Variants in PLCB4 observed in about 807,000 individuals in gnomAD.
The protein encoded by PLCB4 is phospholipase C beta 4.
PLCB4 carries 77 observed loss-of-function variants against 178.8 expected under a neutral mutation model. The observed-to-expected ratio is 0.43, with a 90% CI of 0.36 to 0.52. The LOEUF is 0.52. PLCB4 is among the 20% of genes least tolerant of loss of function. The pLI, the probability that PLCB4 is intolerant of heterozygous loss-of-function variation, is 0.00. For synonymous variants in PLCB4, 496 were observed against 490.8 expected (o/e 1.01, Z -0.14); for missense variants, 1,024 against 1,453.4 (o/e 0.70, Z 4.80).
intron 1 of PLCB4, among the ~76,000 whole-genome samples, chr20:9,090,332 A>G (rs1273445496): frequency 6.6e-6 from 1 of 151,884 alleles, no homozygotes; most frequent in Non-Finnish European, 1.5e-5. Context: ...GAATCGAGCT[A>G]TTATTTGGGA....
chr20:9,445,049 T>C (rs2042331186), intron 32 of PLCB4, among the ~76,000 whole-genome samples: 1 of 152,166 alleles, frequency 6.6e-6, no homozygotes, highest in Admixed American at 6.5e-5. Context: ...ATTTTGACAG[T>C]GATTGTGAAA....
intron 2 of PLCB4, among the ~76,000 whole-genome samples, chr20:9,144,696 G>C (rs1346552820): frequency 1.9e-5 from 2 of 106,112 alleles, no homozygotes; most frequent in Non-Finnish European, 3.6e-5. Context: ...GGGGAGGAGG[G>C]GAAGGAGGGG....
At chr20:9,327,610 A>G (rs923188675) in intron 4 of PLCB4, among the ~76,000 whole-genome samples, 1 of 150,684 alleles carries the variant, frequency 6.6e-6, no homozygotes, top group African/African-American at 2.5e-5. Flanking sequence ...CCCCATCTCT[A>G]CTAAAAATAC....
chr20:9,070,317 C>T (rs191613720), intron 1 of PLCB4, among the ~76,000 whole-genome samples: 44 of 152,094 alleles, frequency 2.9e-4, no homozygotes, highest in East Asian at 1.9e-3. Flanking sequence ...GTGTGTGTTG[C>T]GGGGGAAGGT....
intron 2 of PLCB4, among the ~76,000 whole-genome samples, chr20:9,184,494 T>C (rs1332841064): frequency 6.6e-6 from 1 of 151,812 alleles, no homozygotes; most frequent in Non-Finnish European, 1.5e-5. Context: ...GTTCTAGAAA[T>C]GCTTCAGATT....
chr20:9,342,412 G>A (rs1353413024), intron 7 of PLCB4, among the ~76,000 whole-genome samples: 4 of 152,154 alleles, frequency 2.6e-5, no homozygotes, highest in Non-Finnish European at 5.9e-5. Context: ...CCTAGAATCA[G>A]GGGGCCATGA....
At chr20:9,377,276 G>A (rs1048112586) in intron 12 of PLCB4, among the ~76,000 whole-genome samples, 1 of 152,006 alleles carries the variant, frequency 6.6e-6, no homozygotes, top group Admixed American at 6.6e-5. Context: ...TGGATACCAT[G>A]GGGTGAATAA....
At chr20:9,251,846 A>G (rs2094184380) in intron 3 of PLCB4, among the ~76,000 whole-genome samples, 2 of 152,224 alleles carry the variant, frequency 1.3e-5, no homozygotes, top group South Asian at 4.1e-4. Context: ...TGAGAAAGCA[A>G]AAAGAAAACA....
At chr20:9,115,789 G>A (rs1271821622) in intron 2 of PLCB4, among the ~76,000 whole-genome samples, 1 of 151,618 alleles carries the variant, frequency 6.6e-6, no homozygotes, top group Non-Finnish European at 1.5e-5. Flanking sequence ...ATGAATACTT[G>A]CAGGCCACAG....
intron 7 of PLCB4, among the ~76,000 whole-genome samples, chr20:9,344,743 C>T (rs902023043): frequency 1.3e-5 from 2 of 152,132 alleles, no homozygotes; most frequent in African/African-American, 4.8e-5. Context: ...GATGTAATAG[C>T]GCTGCTGCTA....
At chr20:9,176,382 G>C (rs2093155367) in intron 2 of PLCB4, among the ~76,000 whole-genome samples, 1 of 152,132 alleles carries the variant, frequency 6.6e-6, no homozygotes, top group Non-Finnish European at 1.5e-5. Flanking sequence ...GGGTGAGGTG[G>C]TAGACGCATG....
At chr20:9,234,192 A>G (rs752773048) in intron 3 of PLCB4, among the ~76,000 whole-genome samples, 7 of 152,150 alleles carry the variant, frequency 4.6e-5, no homozygotes, top group Admixed American at 2.0e-4. Context: ...TGAGATGGAA[A>G]AGACTAGAGG....
At chr20:9,423,548 A>C (rs2040795314) in intron 27 of PLCB4, among the ~76,000 whole-genome samples, 200 bp from the exon 28 acceptor site, 1 of 152,222 alleles carries the variant, frequency 6.6e-6, no homozygotes. Context: ...ATTTCCAGGA[A>C]ACATGTTCCA....
chr20:9,310,026 TAA>T (rs753401737), intron 4 of PLCB4, among the ~76,000 whole-genome samples: 10 of 152,204 alleles, frequency 6.6e-5, no homozygotes, highest in Admixed American at 1.3e-4. Context: ...TTTAACTTTA[TAA>T]AGCAAACATG....
At chr20:9,297,809 G>A (rs1029731875) in intron 3 of PLCB4, among the ~76,000 whole-genome samples, 4 of 152,126 alleles carry the variant, frequency 2.6e-5, no homozygotes, top group Admixed American at 2.6e-4. Context: ...ATTTTGGAGG[G>A]CTGGCATAGG....
chr20:9,328,520 T>C (rs1174717443), intron 4 of PLCB4, among the ~76,000 whole-genome samples: 4 of 152,188 alleles, frequency 2.6e-5, no homozygotes, highest in Non-Finnish European at 5.9e-5. Flanking sequence ...ACCCATCTGA[T>C]CCTTTGTGAT....
At chr20:9,142,174 ATGT>A (rs1399348725) in intron 2 of PLCB4, among the ~76,000 whole-genome samples, 3 of 152,112 alleles carry the variant, frequency 2.0e-5, no homozygotes, top group East Asian at 1.9e-4. Context: ...CTCCTGGGAG[ATGT>A]TGTGGTCAGC....
chr20:9,198,976 G>A (rs2093507046), intron 2 of PLCB4, among the ~76,000 whole-genome samples: 1 of 152,166 alleles, frequency 6.6e-6, no homozygotes, highest in South Asian at 2.1e-4. Context: ...AGTTGAGAGG[G>A]ATATCACATG....
intron 27 of PLCB4, among the ~76,000 whole-genome samples, chr20:9,423,357 C>T (rs1056255292): frequency 1.3e-5 from 2 of 152,066 alleles, no homozygotes; most frequent in African/African-American, 4.8e-5. Context: ...AGCAATATGC[C>T]AGATATTAGA....
Sources: gnomAD v4.1 joint callset for allele counts (sites outside exome capture counted in the v4.1 genomes callset) on GRCh38, gnomAD v4.1.1 for gene constraint, MANE v1.5 for transcripts, NCBI Gene and HGNC (gene_info 2026-07-23, HGNC 2026-07-21) for gene names.